Variants in CSMD1 observed in about 807,000 individuals in gnomAD.
CSMD1 encodes CUB and sushi domain-containing protein 1.
A neutral mutation model predicts 417.5 loss-of-function variants in CSMD1; 213 were observed. The observed-to-expected ratio is 0.51, with a 90% CI of 0.46 to 0.57. The LOEUF (loss-of-function observed/expected upper bound fraction) is 0.57. Among genes scored for constraint, CSMD1 ranks in the 20% least tolerant of loss-of-function variants. CSMD1 has a pLI of 0.00. For missense variants in CSMD1, 6,923 were observed against 4,529.7 expected (o/e 1.53, Z -15.17); for synonymous variants, 2,862 against 1,736.8 (o/e 1.65, Z -16.11).
intron 10 of CSMD1, among the ~76,000 whole-genome samples, chr8:3,534,943 G>C (rs1478826402): frequency 6.6e-6 from 1 of 152,114 alleles, no homozygotes. Context: ...TGTAAGACAT[G>C]TATTTACTTA....
intron 27 of CSMD1, among the ~76,000 whole-genome samples, chr8:3,227,088 T>C (rs1285693559): frequency 2.6e-5 from 4 of 152,006 alleles, no homozygotes; most frequent in Non-Finnish European, 5.9e-5. Flanking sequence ...GTTAAATCGG[T>C]GTGACTGCTC....
At chr8:4,955,507 G>C (rs376165922) in intron 1 of CSMD1, among the ~76,000 whole-genome samples, 1 of 151,630 alleles carries the variant, frequency 6.6e-6, no homozygotes, top group Non-Finnish European at 1.5e-5. Flanking sequence ...CCAGGCTGGA[G>C]TGCAGTGGCA....
At chr8:2,963,730 T>C (rs1165637118) in intron 59 of CSMD1, among the ~76,000 whole-genome samples, 1 of 152,122 alleles carries the variant, frequency 6.6e-6, no homozygotes, top group Non-Finnish European at 1.5e-5. Flanking sequence ...CCAAAGACAA[T>C]TCGAATGAGG....
At chr8:3,949,200 A>G (rs554980769) in intron 5 of CSMD1, among the ~76,000 whole-genome samples, 25 of 152,326 alleles carry the variant, frequency 1.6e-4, no homozygotes, top group African/African-American at 5.5e-4. Flanking sequence ...TCATTTCTTT[A>G]TAGTGACAAC....
intron 2 of CSMD1, among the ~76,000 whole-genome samples, chr8:4,515,811 G>A (rs1196864159): frequency 2.6e-5 from 4 of 152,096 alleles, no homozygotes; most frequent in African/African-American, 4.8e-5. Flanking sequence ...ACTGATGCCC[G>A]GGTTGTTTAT....
At chr8:3,653,220 C>A (rs1216133838) in intron 7 of CSMD1, among the ~76,000 whole-genome samples, 1 of 151,872 alleles carries the variant, frequency 6.6e-6, no homozygotes, top group Admixed American at 6.6e-5. Context: ...CCAAACTTTT[C>A]TTATTTTTTA....
chr8:3,512,710 G>T (rs1316166888), intron 10 of CSMD1, among the ~76,000 whole-genome samples: 1 of 151,060 alleles, frequency 6.6e-6, no homozygotes, highest in East Asian at 2.0e-4. Flanking sequence ...CTGGGTTCAA[G>T]CAATTCTCCT....
chr8:4,379,761 T>C (rs1225025593), intron 3 of CSMD1, among the ~76,000 whole-genome samples: 1 of 152,132 alleles, frequency 6.6e-6, no homozygotes, highest in Non-Finnish European at 1.5e-5. Flanking sequence ...GAAAAATCTA[T>C]GGCCCACACT....
intron 18 of CSMD1, among the ~76,000 whole-genome samples, chr8:3,382,624 T>C (rs1810709482): frequency 6.8e-6 from 1 of 146,224 alleles, no homozygotes; most frequent in Non-Finnish European, 1.5e-5. Flanking sequence ...TAAATATAAA[T>C]ATAAATATCT....
intron 26 of CSMD1, among the ~76,000 whole-genome samples, chr8:3,276,572 C>G (rs996812282): frequency 1.3e-5 from 2 of 152,166 alleles, no homozygotes; most frequent in African/African-American, 2.4e-5. Flanking sequence ...TTACCTCCCA[C>G]TGGGTCCCTC....
chr8:4,718,504 G>A (rs965698281), intron 1 of CSMD1, among the ~76,000 whole-genome samples: 13 of 151,876 alleles, frequency 8.6e-5, no homozygotes, highest in Admixed American at 5.9e-4. Flanking sequence ...TAATATTCCC[G>A]CTGTCAATTA....
Position 4,595,207 on chromosome 8 carries a change from G to A in CSMD1, c.302+42135C>T, listed in dbSNP as rs963677896. Among the ~76,000 whole-genome samples, 8 of 151,964 alleles carry A rather than the reference G, an allele frequency of 5.3e-5. No homozygotes were observed. The East Asian group carries it at 5.8e-4, about 11-fold the overall frequency. ...CAGAAACATCCTAAAATGTAGACAC[G>A]TAGGAACAGAACTCAAATTGGCTTG... On this transcript the variant is annotated intron_variant, in intron 2 of 69. Coordinates refer to ENST00000635120, the MANE Select transcript of CSMD1 (RefSeq NM_033225.6).
chr8:4,964,452 G>T (rs186700021), intron 1 of CSMD1, among the ~76,000 whole-genome samples: 48 of 144,436 alleles, frequency 3.3e-4, no homozygotes, highest in Non-Finnish European at 6.0e-4. Context: ...CCAGGAGGTC[G>T]AGGCTGCAGT....
intron 3 of CSMD1, among the ~76,000 whole-genome samples, chr8:4,216,456 G>A (rs558232625): frequency 6.6e-6 from 1 of 152,174 alleles, no homozygotes; most frequent in Non-Finnish European, 1.5e-5. Context: ...AGTAAAGCTT[G>A]TTAAATTAGT....
chr8:4,226,659 A>T (rs1801375908), intron 3 of CSMD1, among the ~76,000 whole-genome samples: 1 of 152,222 alleles, frequency 6.6e-6, no homozygotes. Flanking sequence ...CAGTATAATC[A>T]TAGAAATTAG....
intron 9 of CSMD1, among the ~76,000 whole-genome samples, chr8:3,584,889 G>C (rs1297943072): frequency 6.6e-6 from 1 of 152,126 alleles, no homozygotes; most frequent in Non-Finnish European, 1.5e-5. Flanking sequence ...ATGAATTTTA[G>C]TACAGCTCTT....
At chr8:4,323,450 C>G (rs150921728) in intron 3 of CSMD1, among the ~76,000 whole-genome samples, 4 of 151,664 alleles carry the variant, frequency 2.6e-5, no homozygotes, top group African/African-American at 7.3e-5. Flanking sequence ...TCAAAGTAAC[C>G]ATTCACAACA....
intron 10 of CSMD1, among the ~76,000 whole-genome samples, chr8:3,525,040 G>C (rs765144492): frequency 3.7e-4 from 56 of 152,082 alleles, no homozygotes; most frequent in Non-Finnish European, 5.9e-4. Flanking sequence ...CAATCCCTTG[G>C]TCCAACGCCG....
At chr8:3,937,043 T>C (rs1389628923) in intron 5 of CSMD1, among the ~76,000 whole-genome samples, 3 of 152,152 alleles carry the variant, frequency 2.0e-5, no homozygotes, top group Non-Finnish European at 4.4e-5. Context: ...ACTTCAGACA[T>C]GTTGAAAACA....
Sources: allele counts gnomAD v4.1 joint callset (sites outside exome capture counted in the v4.1 genomes callset), GRCh38; gene constraint gnomAD v4.1.1; transcripts MANE v1.5; gene names NCBI Gene and HGNC (gene_info 2026-07-23, HGNC 2026-07-21).